DNAH7: variants seen among roughly 807,000 people sequenced by gnomAD.
The protein encoded by DNAH7 is axonemal beta dynein heavy chain 7.
In DNAH7, 397 loss-of-function variants were observed where a neutral mutation model predicts 444.6. The observed-to-expected ratio is 0.89, with a 90% CI of 0.82 to 0.97. The LOEUF is 0.97. DNAH7 is among the 50% of genes least tolerant of loss of function. DNAH7 has a pLI of 0.00. For synonymous variants in DNAH7, 1,636 were observed against 1,624.4 expected, an observed-to-expected ratio of 1.01 and a Z score of -0.17; for missense variants, 4,902 against 4,800.8, an observed-to-expected ratio of 1.02 and a Z score of -0.62.
Position 195,737,893 on chromosome 2 carries a change from A to C in DNAH7, c.*28T>G. On this transcript the variant is annotated 3_prime_UTR_variant, in exon 65 of 65. Transcript: ENST00000312428. The stretch of plus-strand genomic sequence containing the variant: ...TCTCTACTCAGCCAGCCAACAAGAA[A>C]TAGGAACAAGGAAATGATGTCTTCT... 1 of 1,605,856 alleles carries C rather than the reference A, an allele frequency of 6.2e-7. No individual in the cohort carries two copies. Among genetic ancestry groups the C allele is most frequent in the Non-Finnish European group, 8.5e-7 (1 of 1,173,126 alleles).
chr2:195,945,272 C>G (rs763109420), intron 19 of DNAH7, among the ~76,000 whole-genome samples: 1 of 152,092 alleles, frequency 6.6e-6, no homozygotes, highest in Non-Finnish European at 1.5e-5. Flanking sequence ...ACTGACTTTT[C>G]AGGATTTACT....
chr2:195,935,706 T>C (rs1164538898), intron 20 of DNAH7, among the ~76,000 whole-genome samples: 1 of 152,016 alleles, frequency 6.6e-6, no homozygotes, highest in African/African-American at 2.4e-5. Flanking sequence ...AGAGGGCAAG[T>C]TGAGCATGGA....
chr2:195,896,433 T>G (rs1702324781), intron 29 of DNAH7, among the ~76,000 whole-genome samples: 1 of 152,208 alleles, frequency 6.6e-6, no homozygotes, highest in Non-Finnish European at 1.5e-5. Context: ...AAGTAATCTT[T>G]GTCTAACACA....
intron 8 of DNAH7, among the ~76,000 whole-genome samples, chr2:196,021,443 A>C (rs568648807): frequency 1.3e-5 from 2 of 152,122 alleles, no homozygotes; most frequent in Admixed American, 6.6e-5. Context: ...CGTCACACAA[A>C]TTTTTGGTTT....
intron 63 of DNAH7, among the ~76,000 whole-genome samples, chr2:195,741,535 T>C (rs1693032303): frequency 6.6e-6 from 1 of 152,222 alleles, no homozygotes; most frequent in African/African-American, 2.4e-5. Context: ...TAAAACTGAT[T>C]GTAACAGTAC....
chr2:196,003,542 T>A (rs1003223187), intron 10 of DNAH7, among the ~76,000 whole-genome samples: 2 of 152,144 alleles, frequency 1.3e-5, no homozygotes, highest in African/African-American at 4.8e-5. Flanking sequence ...CATACATAAA[T>A]AAATATTGTT....
At chr2:195,807,616 T>A (rs1036130589) in intron 53 of DNAH7, among the ~76,000 whole-genome samples, 10 of 152,144 alleles carry the variant, frequency 6.6e-5, no homozygotes, top group African/African-American at 2.4e-4. Flanking sequence ...GACTTGAGAA[T>A]GTGTGTAATG....
chr2:196,030,763 C>T (rs981325670), intron 5 of DNAH7, among the ~76,000 whole-genome samples: 2 of 152,272 alleles, frequency 1.3e-5, no homozygotes, highest in Admixed American at 6.5e-5. Flanking sequence ...CCAGGTCTCA[C>T]ATCCAGGTCA....
chr2:195,829,862 G>A (rs1697974368), intron 48 of DNAH7, among the ~76,000 whole-genome samples: 1 of 151,858 alleles, frequency 6.6e-6, no homozygotes, highest in Non-Finnish European at 1.5e-5. Flanking sequence ...TGTTAGGAAA[G>A]ATATTTGTAG....
In DNAH7 at chr2:195,897,236, A is replaced by G. The variant is rs186789600; in HGVS notation, c.4647+431T>C. Among the ~76,000 whole-genome samples, 44 of 152,326 alleles carry G rather than the reference A, an allele frequency of 2.9e-4. 2 individuals are homozygous for G. In the East Asian group the frequency reaches 6.4e-3, roughly 22 times the overall value. On this transcript the variant is annotated intron_variant, in intron 29 of 64. Coordinates refer to ENST00000312428, the MANE Select transcript of DNAH7 (RefSeq NM_018897.3). ...AAGCTTAGTTCTTATGTTATCATAA[A>G]AAACAATTTCATAAAAGTCATCTCA...
intron 36 of DNAH7, among the ~76,000 whole-genome samples, chr2:195,877,080 C>T (rs987627200): frequency 7.9e-5 from 12 of 152,114 alleles, no homozygotes; most frequent in East Asian, 1.9e-4. Flanking sequence ...ACATACAAAG[C>T]GATCTTTCTG....
chr2:195,871,712 A>AAAGTGACACCTACTTTGAAATATT (rs1281806152), intron 40 of DNAH7, among the ~76,000 whole-genome samples: 4 of 130,806 alleles, frequency 3.1e-5, no homozygotes, highest in African/African-American at 8.0e-5. Flanking sequence ...AAGGCGGATC[A>AAAGTGACACCTACTTTGAAATATT]CGAGGTCAGG....
chr2:195,745,601 G>C (rs1693348419), intron 63 of DNAH7, among the ~76,000 whole-genome samples: 1 of 152,230 alleles, frequency 6.6e-6, no homozygotes, highest in Non-Finnish European at 1.5e-5. Context: ...AGGGCAGCCA[G>C]AGACAAAGGT....
intron 10 of DNAH7, among the ~76,000 whole-genome samples, 185 bp downstream of exon 10, chr2:196,012,602 A>C (rs1233177515): frequency 6.6e-6 from 1 of 152,178 alleles, no homozygotes; most frequent in African/African-American, 2.4e-5. Flanking sequence ...GTTTCTGCAC[A>C]ATCTACGCTG....
intron 15 of DNAH7, among the ~76,000 whole-genome samples, chr2:195,976,272 C>A (rs930659492): frequency 2.0e-5 from 3 of 152,168 alleles, no homozygotes; most frequent in Admixed American, 6.5e-5. Context: ...CTTAAGTGAA[C>A]ATTGGCTGTG....
chr2:195,852,913 C>G (rs868019981), intron 46 of DNAH7, among the ~76,000 whole-genome samples: 54 of 134,708 alleles, frequency 4.0e-4, no homozygotes, highest in African/African-American at 8.8e-4. Flanking sequence ...CACACACACA[C>G]ACAGAGAGAG....
At position 195,950,680 on chromosome 2, in the gene DNAH7, C is replaced by T. The variant is rs201262196; in HGVS notation, c.3078+6581G>A. Among the ~76,000 whole-genome samples the T allele has an allele frequency of 5.3e-5, 8 of 151,850 alleles. No individual in the cohort carries two copies. In the East Asian group the frequency reaches 1.6e-3, roughly 29 times the overall value. On this transcript the variant is annotated intron_variant, in intron 19 of 64. Transcript: ENST00000312428. ...TGGCTAACATGGTGAAACCCCATCT[C>T]TACTAAAAATACAAAACCAAAATTA...
chr2:195,877,344 T>C (rs1364453141), intron 36 of DNAH7, among the ~76,000 whole-genome samples: 6 of 152,216 alleles, frequency 3.9e-5, no homozygotes, highest in Non-Finnish European at 8.8e-5. Context: ...GTAAATCACA[T>C]ATTTTCTTAA....
intron 6 of DNAH7, 82 bp downstream of exon 6, chr2:196,027,878 C>T (rs1695787872): frequency 1.6e-6 from 2 of 1,262,962 alleles, no homozygotes; most frequent in East Asian, 2.4e-5. Context: ...AGGAGAAGCA[C>T]AGAGTGGTCT....
Sources: allele counts gnomAD v4.1 joint callset (sites outside exome capture counted in the v4.1 genomes callset), GRCh38; gene constraint gnomAD v4.1.1; transcripts MANE v1.5; gene names NCBI Gene and HGNC (gene_info 2026-07-23, HGNC 2026-07-21).